Variants in HTR2A observed in about 807,000 individuals in gnomAD.
The protein encoded by HTR2A is 5-hydroxytryptamine receptor 2A, also known as 5-HT2 receptor.
In HTR2A, 14 loss-of-function variants were observed where a neutral mutation model predicts 31.0. The ratio of observed to expected loss-of-function variants is 0.45; its 90% CI spans 0.30 to 0.71. The LOEUF (loss-of-function observed/expected upper bound fraction) is 0.71. Ranked by LOEUF, HTR2A falls within the 30% of genes least tolerant of loss-of-function variation. The pLI is 0.09. For synonymous variants in HTR2A, 209 were observed against 225.2 expected, an observed-to-expected ratio of 0.93 and a Z score of 0.64; for missense variants, 442 against 573.3, an observed-to-expected ratio of 0.77 and a Z score of 2.34.
chr13:46,860,675 T>C (rs997524570), intron 3 of HTR2A, among the ~76,000 whole-genome samples: 2 of 152,256 alleles, frequency 1.3e-5, no homozygotes, highest in Non-Finnish European at 2.9e-5. Flanking sequence ...GAACATATTT[T>C]ATTTGCTTAA....
At chr13:46,865,388 C>T (rs1352059137) in intron 3 of HTR2A, among the ~76,000 whole-genome samples, 1 of 151,808 alleles carries the variant, frequency 6.6e-6, no homozygotes, top group Non-Finnish European at 1.5e-5. Context: ...ATATTACATG[C>T]CTAGAAAGGC....
chr13:46,866,182 C>T (rs1267866489), intron 3 of HTR2A, among the ~76,000 whole-genome samples: 3 of 152,168 alleles, frequency 2.0e-5, no homozygotes, highest in Non-Finnish European at 2.9e-5. Context: ...TCTGACAATT[C>T]CTGTTTATAG....
chr13:46,877,454 G>C (rs1355447677), intron 3 of HTR2A, among the ~76,000 whole-genome samples: 1 of 152,094 alleles, frequency 6.6e-6, no homozygotes, highest in East Asian at 1.9e-4. Flanking sequence ...TTATATAAAG[G>C]TTAGGCTTTC....
Position 46,876,385 on chromosome 13 carries a change from C to CATATAT in HTR2A, c.613+15999_613+16004dup, listed in dbSNP as rs1213510951. Among the ~76,000 whole-genome samples the CATATAT allele has an allele frequency of 2.1e-3, 200 of 94,238 alleles. 1 individual carries two copies. The highest frequency in any genetic ancestry group is 0.02 in the Middle Eastern group (3 of 150). 61.8% of individuals were successfully genotyped at this position (94,238 alleles called of 152,430 possible). A position where few individuals can be genotyped will look rare whatever the true frequency, so the allele number is the denominator to read the frequency against. ...TTTGCTGTGTGCTTGTATTTTGATT[C>CATATAT]ATATATATATATATATATATTTTTT... On this transcript the variant is annotated intron_variant, in intron 3 of 3. Transcript: ENST00000542664.
intron 3 of HTR2A, among the ~76,000 whole-genome samples, chr13:46,853,559 C>T (rs952545296): frequency 3.3e-5 from 5 of 152,110 alleles, no homozygotes; most frequent in African/African-American, 9.7e-5. Flanking sequence ...TGTTTTAAAC[C>T]TCCCCAGATG....
At chr13:46,883,037 G>A (rs1351402148) in intron 3 of HTR2A, among the ~76,000 whole-genome samples, 1 of 152,218 alleles carries the variant, frequency 6.6e-6, no homozygotes. Flanking sequence ...TGTGGCTCCA[G>A]ACATTTTGCT....
intron 3 of HTR2A, among the ~76,000 whole-genome samples, chr13:46,859,906 T>G (rs1478582008): frequency 6.6e-6 from 1 of 152,194 alleles, no homozygotes; most frequent in Non-Finnish European, 1.5e-5. Flanking sequence ...ATCACCATCC[T>G]ATAAATACTA....
intron 3 of HTR2A, among the ~76,000 whole-genome samples, chr13:46,846,399 AC>A (rs2138194279): frequency 6.6e-6 from 1 of 152,220 alleles, no homozygotes; most frequent in South Asian, 2.1e-4. Context: ...TGTAGCTGAA[AC>A]CTCCAACCAC....
At chr13:46,882,839 T>A (rs61948338) in intron 3 of HTR2A, among the ~76,000 whole-genome samples, 6,018 of 152,308 alleles carry the variant, frequency 0.04, 160 homozygotes, top group South Asian at 0.093. Flanking sequence ...CTATTTTCTT[T>A]TCTCACATGG....
At chr13:46,862,653 A>G (rs1278045120) in intron 3 of HTR2A, among the ~76,000 whole-genome samples, 1 of 152,192 alleles carries the variant, frequency 6.6e-6, no homozygotes, top group African/African-American at 2.4e-5. Context: ...CCGCTAAGTG[A>G]ACTATTTGAG....
At chr13:46,869,584 C>T (rs928992136) in intron 3 of HTR2A, among the ~76,000 whole-genome samples, 2 of 151,904 alleles carry the variant, frequency 1.3e-5, no homozygotes, top group African/African-American at 4.8e-5. Context: ...GTATATTCCC[C>T]AAAGAATTAA....
At chr13:46,864,313 C>G (rs773329548) in intron 3 of HTR2A, among the ~76,000 whole-genome samples, 2 of 152,104 alleles carry the variant, frequency 1.3e-5, no homozygotes, top group Non-Finnish European at 2.9e-5. Flanking sequence ...TGCTTAATAC[C>G]TGGGTGATGA....
chr13:46,874,558 T>C (rs1308525015), intron 3 of HTR2A, among the ~76,000 whole-genome samples: 1 of 152,266 alleles, frequency 6.6e-6, no homozygotes, highest in Non-Finnish European at 1.5e-5. Flanking sequence ...CACTGATGCA[T>C]GGTTTTCAGA....
At chr13:46,855,685 C>CA (rs1950730562) in intron 3 of HTR2A, among the ~76,000 whole-genome samples, 1 of 152,006 alleles carries the variant, frequency 6.6e-6, no homozygotes, top group African/African-American at 2.4e-5. Flanking sequence ...GACCTTGCTA[C>CA]AAAAATTTTA....
rs1025367604 is a variant in HTR2A, at chr13:46,896,542, T to C, written c.-329+132A>G. ...AGCTAATAAAAGGAAAACAAAAAAGTCTTAAGTAAAGATTAGCAGACAACT... is the reference window on the plus strand; with the variant it reads ...AGCTAATAAAAGGAAAACAAAAAAGCCTTAAGTAAAGATTAGCAGACAACT... On this transcript the variant is annotated intron_variant, in intron 1 of 3. Transcript: ENST00000542664. 8.1e-6 allele frequency: 6 copies of C among 741,450 alleles called. No individual in the cohort carries two copies. The African/African-American group carries it at 9.0e-5, about 11-fold the overall frequency. 45.9% of individuals were successfully genotyped at this position (741,450 alleles called of 1,614,324 possible).
At chr13:46,845,729 T>G (rs1950637588) in intron 3 of HTR2A, among the ~76,000 whole-genome samples, 1 of 151,452 alleles carries the variant, frequency 6.6e-6, no homozygotes, top group Admixed American at 6.6e-5. Context: ...CAGGGAAATA[T>G]ATCTGCTTCT....
At chr13:46,843,646 A>G (rs980675067) in intron 3 of HTR2A, among the ~76,000 whole-genome samples, 3 of 152,188 alleles carry the variant, frequency 2.0e-5, no homozygotes, top group African/African-American at 7.2e-5. Context: ...GTTAAAGCCC[A>G]GAGCACCATG....
At position 46,895,426 on chromosome 13, in the gene HTR2A, A is replaced by G; in HGVS notation, c.412+69T>C. On this transcript the variant is annotated intron_variant, in intron 2 of 3. Coordinates refer to ENST00000542664, the MANE Select transcript of HTR2A (RefSeq NM_000621.5). This position sits in a 1 kb window ranked among gnomAD's most constrained non-coding sequence, Gnocchi z 4.4. The stretch of plus-strand genomic sequence containing the variant: ...TTGTTTGCCCCCTGAGCCCCATCTC[A>G]TCTGCTGGTGGCATGCACATGCTCT... 6.9e-7 allele frequency: 1 copy of G among 1,452,210 alleles called. No individual in the cohort carries two copies. Among genetic ancestry groups the G allele is most frequent in the Non-Finnish European group, 9.4e-7 (1 of 1,063,100 alleles). The allele number at this position is 1,452,210 out of a possible 1,614,324, so 90.0% of individuals were successfully genotyped here. A position where few individuals can be genotyped will look rare whatever the true frequency, so the allele number is the denominator to read the frequency against.
In HTR2A at chr13:46,848,910, G is replaced by T. The variant is rs75864476; in HGVS notation, c.614-13271C>A. Among the ~76,000 whole-genome samples the T allele has an allele frequency of 2.8e-3, 421 of 152,288 alleles. 2 individuals are homozygous for T. Among genetic ancestry groups the T allele is most frequent in the Middle Eastern group, 0.01 (3 of 292 alleles). On this transcript the variant is annotated intron_variant, in intron 3 of 3. Coordinates refer to ENST00000542664, the MANE Select transcript of HTR2A (RefSeq NM_000621.5). ...TACTGCTATCTGATATTACTTATAC[G>T]TGGGAAGCAGGAATAGAAACAGGAG...
Sources: allele counts gnomAD v4.1 joint callset (sites outside exome capture counted in the v4.1 genomes callset), GRCh38; gene constraint gnomAD v4.1.1; non-coding constraint Gnocchi (gnomAD v3.1); transcripts MANE v1.5; gene names NCBI Gene and HGNC (gene_info 2026-07-23, HGNC 2026-07-21).